DPP9: variants seen among roughly 807,000 people sequenced by gnomAD.
The protein encoded by DPP9 is dipeptidyl peptidase IV-related protein-2.
DPP9 carries 50 observed loss-of-function variants against 110.7 expected under a neutral mutation model. The ratio of observed to expected loss-of-function variants is 0.45; its 90% CI spans 0.36 to 0.57. The LOEUF (loss-of-function observed/expected upper bound fraction) is 0.57, where lower values mean the gene tolerates loss of function less well. Ranked by LOEUF, DPP9 falls within the 20% of genes least tolerant of loss-of-function variation. The pLI is 0.00. For missense variants in DPP9, 1,022 were observed against 1,217.9 expected (o/e 0.84, Z 2.39); for synonymous variants, 561 against 514.4 (o/e 1.09, Z -1.23).
rs1260858118 is a variant in DPP9 at position 4,679,943 on chromosome 19, G to A, written c.2478C>T (p.Pro826=). 1 of 1,611,288 alleles carries A rather than the reference G, an allele frequency of 6.2e-7. No homozygotes were observed. Among genetic ancestry groups the A allele is most frequent in the Admixed American group, 1.7e-5 (1 of 59,724 alleles). The change falls in exon 21 of 22, where the codon CCC becomes CCT. Residue 826 remains proline, a synonymous_variant. Coordinates refer to ENST00000262960, the MANE Select transcript of DPP9 (RefSeq NM_139159.5). ...AGCCGTGGAGGATAAGCAAGCGGTTGGGCCTGGAAAACAGATGGGGAAGGG... is the reference window on the plus strand; with the variant it reads ...AGCCGTGGAGGATAAGCAAGCGGTTAGGCCTGGAAAACAGATGGGGAAGGG... The part of the protein sequence containing the change: ...ALHVEKLPNE[P]NRLLILHGFL...
chr19:4,690,843 T>C (rs1286706466), intron 14 of DPP9, 35 bp downstream of exon 14: 6 of 1,554,010 alleles, frequency 3.9e-6, no homozygotes, highest in Admixed American at 1.7e-5. Flanking sequence ...CACACATGCA[T>C]GGAGCAGGGG....
At position 4,685,274 on chromosome 19, in the gene DPP9, T is replaced by C; in HGVS notation, c.2031+352A>G. The C allele has an allele frequency of 1.9e-6, 1 of 536,598 alleles. No homozygotes were observed. Among genetic ancestry groups the C allele is most frequent in the East Asian group, 4.7e-5 (1 of 21,130 alleles). The allele number at this position is 536,598 out of a possible 1,614,324, so 33.2% of individuals were successfully genotyped here. On this transcript the variant is annotated intron_variant, in intron 17 of 21. Coordinates refer to ENST00000262960, the MANE Select transcript of DPP9 (RefSeq NM_139159.5). The surrounding 1 kb of genome is among the most constrained non-coding windows in gnomAD (Gnocchi z 5.8). The stretch of plus-strand genomic sequence containing the variant: ...GCCTAAGATGGTCCAACTGCCAATC[T>C]GCTGCCTGCTTTTGACCCCTGCTCC...
Position 4,683,565 on chromosome 19 carries a change from A to T in DPP9, c.2243T>A (p.Ile748Asn). 1 of 1,613,422 alleles carries T rather than the reference A, an allele frequency of 6.2e-7. No homozygotes were observed. Among genetic ancestry groups the T allele is most frequent in the Non-Finnish European group, 8.5e-7 (1 of 1,179,858 alleles). ...LQFVAEKYGF[I>N]DLSRVAIHGW... ...ATGGATGGCAACTCGGCTCAGGTCGATGAAGCCATACTTCTCGGCCACGAA... is the reference window on the plus strand; with the variant it reads ...ATGGATGGCAACTCGGCTCAGGTCGTTGAAGCCATACTTCTCGGCCACGAA... Residue 748 changes from isoleucine to asparagine, a missense_variant, in exon 19 of 22, where the codon ATC becomes AAC. Physicochemically the swap from Ile to Asn is moderately radical, Grantham distance 149. Transcript: ENST00000262960.
intron 4 of DPP9, among the ~76,000 whole-genome samples, chr19:4,713,872 G>C (rs2092950491): frequency 6.6e-6 from 1 of 152,070 alleles, no homozygotes; most frequent in South Asian, 2.1e-4. Context: ...CTGCACGGCT[G>C]ACCCTCCGGG....
chr19:4,720,163 G>T (rs961247372), intron 2 of DPP9, among the ~76,000 whole-genome samples: 3 of 152,172 alleles, frequency 2.0e-5, no homozygotes, highest in Admixed American at 2.0e-4. Context: ...TTTCTCAACA[G>T]GAGGTTCCTT....
rs759581074 is a variant in DPP9 at position 4,676,600 on chromosome 19, T to C, written c.2643A>G (p.Glu881=). ...CCTGTAGAAAGTGCAGCAACGTGAC[T>C]TCATAGTGCTCGCCCGACTCGGGGC... ...IRCPESGEHY[E]VTLLHFLQEY... is the part of the protein sequence containing the mutation. Residue 881 remains glutamate (E), a synonymous_variant, in exon 22 of 22, where the codon GAA becomes GAG. Coordinates refer to ENST00000262960, the MANE Select transcript of DPP9 (RefSeq NM_139159.5). This position sits in a 1 kb window ranked among gnomAD's most constrained non-coding sequence, Gnocchi z 4.0. 3.1e-6 allele frequency: 5 copies of C among 1,608,704 alleles called. No homozygotes were observed. The South Asian group carries it at 4.4e-5, about 14-fold the overall frequency.
chr19:4,676,528 C>G lies in DPP9; in HGVS notation c.*36G>C. On this transcript the variant is annotated 3_prime_UTR_variant, in exon 22 of 22. Coordinates refer to ENST00000262960, the MANE Select transcript of DPP9 (RefSeq NM_139159.5). This position sits in a 1 kb window ranked among gnomAD's most constrained non-coding sequence, Gnocchi z 4.0. Reference sequence around the variant, plus strand: ...TGGTTCCCCGCGGAGGCTGCAGCCACTTGTGCTGTGATGTGGCGGCTCCCG... The same window carrying G: ...TGGTTCCCCGCGGAGGCTGCAGCCAGTTGTGCTGTGATGTGGCGGCTCCCG... 6.4e-7 allele frequency: 1 copy of G among 1,559,938 alleles called. No individual in the cohort carries two copies. The highest frequency in any genetic ancestry group is 8.7e-7 in the Non-Finnish European group (1 of 1,145,466).
rs1240291951 is a variant in DPP9, at chr19:4,704,045, T to A, written c.610A>T (p.Met204Leu). ...GGKNGFMVSP[M>L]KPLEIKTQCS... ...TGGGTCTTGATTTCCAGCGGTTTCA[T>A]AGGGGACACCTGAGGACAGAGACGC... is the stretch of plus-strand genomic sequence containing the variant. The change falls in exon 7 of 22, where the codon ATG becomes TTG. Residue 204 changes from methionine to leucine, a missense_variant. This residue lies in a region of DPP9 where 810 missense variants were observed against 920.6 expected (regional missense o/e 0.88). Transcript: ENST00000262960. The surrounding 1 kb of genome is among the most constrained non-coding windows in gnomAD (Gnocchi z 6.0). 6.2e-7 allele frequency: 1 copy of A among 1,613,974 alleles called. No homozygotes were observed. Among genetic ancestry groups the A allele is most frequent in the African/African-American group, 1.3e-5 (1 of 75,054 alleles).
In DPP9 at chr19:4,702,012, G is replaced by A. The variant is rs376613772; in HGVS notation, c.1012+15C>T. The stretch of plus-strand genomic sequence containing the variant: ...AGATCCCCGGCCCAGCCCCTCACAT[G>A]TACCGGGCACTCACCTGTCCTGGGG... On this transcript the variant is annotated intron_variant, in intron 9 of 21. Transcript: ENST00000262960. The A allele has an allele frequency of 8.3e-5, 133 of 1,611,142 alleles. No individual in the cohort carries two copies. Among genetic ancestry groups the A allele is most frequent in the Non-Finnish European group, 1.1e-4 (125 of 1,178,406 alleles).
In DPP9 at chr19:4,695,602, CA is replaced by C. The variant is rs1568314555; in HGVS notation, c.1176-48del. 11 of 1,415,784 alleles carry C rather than the reference CA, an allele frequency of 7.8e-6. 1 individual carries two copies. The South Asian group carries it at 1.5e-4, about 19-fold the overall frequency. The allele number at this position is 1,415,784 out of a possible 1,614,324, so 87.7% of individuals were successfully genotyped here. A position where few individuals can be genotyped will look rare whatever the true frequency, so the allele number is the denominator to read the frequency against. On this transcript the variant is annotated intron_variant, in intron 11 of 21. Transcript: ENST00000262960. The surrounding 1 kb of genome is among the most constrained non-coding windows in gnomAD (Gnocchi z 4.7). ...AAGATGAGAGGGAAGCTGGGAGCCT[CA>C]GTGGCCTGCACAGAGAAGCTGGGGA... is the stretch of plus-strand genomic sequence containing the variant.
At chr19:4,692,301 C>T (rs1447367364) in intron 13 of DPP9, among the ~76,000 whole-genome samples, 2 of 152,122 alleles carry the variant, frequency 1.3e-5, no homozygotes, top group African/African-American at 4.8e-5. Flanking sequence ...TAACTGAGGG[C>T]TCACTGTCCT....
chr19:4,697,618 G>A lies in DPP9; in HGVS notation c.1108C>T (p.Pro370Ser), dbSNP rs77657310. ...VSTQEKELVQ[P>S]FSSLFPKVEY... is the part of the protein sequence containing the mutation. ...ACCTTCGGGAACAGCGAGCTGAAGGGCTGCACCAGCTCCTTCTCCTGGGTC... is the reference window on the plus strand; with the variant it reads ...ACCTTCGGGAACAGCGAGCTGAAGGACTGCACCAGCTCCTTCTCCTGGGTC... Residue 370 changes from proline to serine, a missense_variant, in exon 11 of 22, where the codon CCC (proline) becomes TCC (serine). By Grantham distance (74) the Pro-to-Ser change is moderately conservative. Coordinates refer to ENST00000262960, the MANE Select transcript of DPP9 (RefSeq NM_139159.5). 1 of 1,613,850 alleles carries A rather than the reference G, an allele frequency of 6.2e-7. No individual in the cohort carries two copies. Among genetic ancestry groups the A allele is most frequent in the Admixed American group, 1.7e-5 (1 of 60,020 alleles).
Position 4,684,360 on chromosome 19 carries a change from C to T in DPP9, c.2178+303G>A, listed in dbSNP as rs75079922. The T allele has an allele frequency of 8.9e-3, 3,587 of 403,482 alleles. 107 individuals are homozygous for T. The highest frequency in any genetic ancestry group is 0.067 in the African/African-American group (3,303 of 49,200). 25.0% of individuals were successfully genotyped at this position (403,482 alleles called of 1,614,324 possible). A position where few individuals can be genotyped will look rare whatever the true frequency, so the allele number is the denominator to read the frequency against. On this transcript the variant is annotated intron_variant, in intron 18 of 21. Coordinates refer to ENST00000262960, the MANE Select transcript of DPP9 (RefSeq NM_139159.5). The surrounding 1 kb of genome is among the most constrained non-coding windows in gnomAD (Gnocchi z 4.8). Reference sequence around the variant, plus strand: ...AGAGATTTTCGTTCTTTATAAATCCCCAGGCTGTGGGGTTTTGTTCCAGCA... The same window carrying T: ...AGAGATTTTCGTTCTTTATAAATCCTCAGGCTGTGGGGTTTTGTTCCAGCA...
intron 11 of DPP9, among the ~76,000 whole-genome samples, chr19:4,697,058 C>T (rs1200490239): frequency 6.6e-6 from 1 of 151,748 alleles, no homozygotes; most frequent in Admixed American, 6.6e-5. Context: ...ATGATCGCAC[C>T]ACTGCACTCC....
At chr19:4,701,709 C>A (rs2145710083) in intron 9 of DPP9, among the ~76,000 whole-genome samples, 1 of 152,356 alleles carries the variant, frequency 6.6e-6, no homozygotes, top group South Asian at 2.1e-4. Context: ...CCTGCACGTG[C>A]CACTTCTGTG....
chr19:4,679,938 C>G lies in DPP9; in HGVS notation c.2483G>C (p.Arg828Pro). Residue 828 changes from arginine (R) to proline (P), a missense_variant, in exon 21 of 22, where the codon CGC (arginine) becomes CCC (proline). Arg to Pro is a moderately radical substitution (Grantham distance 103). Coordinates refer to ENST00000262960, the MANE Select transcript of DPP9 (RefSeq NM_139159.5). Reference sequence around the variant, plus strand: ...CAGGAAGCCGTGGAGGATAAGCAAGCGGTTGGGCCTGGAAAACAGATGGGG... The same window carrying G: ...CAGGAAGCCGTGGAGGATAAGCAAGGGGTTGGGCCTGGAAAACAGATGGGG... Reference protein sequence around the residue: ...HVEKLPNEPNRLLILHGFLDE... With the variant: ...HVEKLPNEPNPLLILHGFLDE... 3.1e-6 allele frequency: 5 copies of G among 1,611,798 alleles called. No individual in the cohort carries two copies. The highest frequency in any genetic ancestry group is 4.2e-6 in the Non-Finnish European group (5 of 1,179,112).
At chr19:4,705,182 G>A (rs1027326600) in intron 5 of DPP9, among the ~76,000 whole-genome samples, 3 of 152,126 alleles carry the variant, frequency 2.0e-5, no homozygotes, top group Admixed American at 6.6e-5. Context: ...ACATTGTTAT[G>A]TTTATGTTGT....
chr19:4,694,324 G>A lies in DPP9; in HGVS notation c.1516+337C>T, dbSNP rs1455993726. On this transcript the variant is annotated intron_variant, in intron 13 of 21. Transcript: ENST00000262960. The surrounding 1 kb of genome is among the most constrained non-coding windows in gnomAD (Gnocchi z 4.0). Reference sequence around the variant, plus strand: ...GACCACAGACAGTCTCTGTAAACAAGTGGCTGTGGCTCAGTGCCAATAAAA... The same window carrying A: ...GACCACAGACAGTCTCTGTAAACAAATGGCTGTGGCTCAGTGCCAATAAAA... 2 of 461,114 alleles carry A rather than the reference G, an allele frequency of 4.3e-6. No homozygotes were observed. Among genetic ancestry groups the A allele is most frequent in the Non-Finnish European group, 7.7e-6 (2 of 260,382 alleles). 28.6% of individuals were successfully genotyped at this position (461,114 alleles called of 1,614,324 possible).
chr19:4,722,731 C>A (rs770049146), intron 1 of DPP9, 180 bp from the exon 2 acceptor site: 78 of 584,460 alleles, frequency 1.3e-4, no homozygotes, highest in Non-Finnish European at 2.2e-4. Context: ...GGGAGAGAAG[C>A]CATCCCACGG....
Sources: allele counts gnomAD v4.1 joint callset (sites outside exome capture counted in the v4.1 genomes callset), GRCh38; gene constraint gnomAD v4.1.1; regional missense constraint gnomAD v4.1.1; non-coding constraint Gnocchi (gnomAD v3.1); transcripts MANE v1.5; gene names NCBI Gene and HGNC (gene_info 2026-07-23, HGNC 2026-07-21).